ADGRA3: variants seen among roughly 807,000 people sequenced by gnomAD.
ADGRA3 encodes adhesion G protein-coupled receptor A3.
A neutral mutation model predicts 119.8 loss-of-function variants in ADGRA3; 56 were observed. The observed-to-expected ratio is 0.47, with a 90% CI of 0.38 to 0.58. The LOEUF (loss-of-function observed/expected upper bound fraction) is 0.58, where lower values mean the gene tolerates loss of function less well. ADGRA3 is among the 20% of genes least tolerant of loss of function. ADGRA3 has a pLI of 0.00. For missense variants in ADGRA3, 1,516 were observed against 1,649.0 expected (o/e 0.92, Z 1.40); for synonymous variants, 607 against 623.8 (o/e 0.97, Z 0.40).
intron 1 of ADGRA3, among the ~76,000 whole-genome samples, chr4:22,507,019 C>T (rs185062031): frequency 9.2e-5 from 14 of 151,904 alleles, no homozygotes; most frequent in African/African-American, 2.9e-4. Flanking sequence ...GGGCGGATCA[C>T]GAGGTCAGGA....
chr4:22,487,769 T>C (rs1223323818), intron 1 of ADGRA3, among the ~76,000 whole-genome samples: 1 of 152,210 alleles, frequency 6.6e-6, no homozygotes, highest in Non-Finnish European at 1.5e-5. Flanking sequence ...AAAACCATTC[T>C]AAATTGAAGA....
In ADGRA3 at chr4:22,420,908, G is replaced by A; in HGVS notation, c.1787C>T (p.Thr596Ile). 3 of 1,614,016 alleles carry A rather than the reference G, an allele frequency of 1.9e-6. No individual in the cohort carries two copies. Among genetic ancestry groups the A allele is most frequent in the Non-Finnish European group, 2.5e-6 (3 of 1,179,904 alleles). Residue 596 changes from threonine (T) to isoleucine (I), a missense_variant, in exon 12 of 19, where the codon ACA becomes ATA. Thr to Ile is a moderately conservative substitution (Grantham distance 89). This residue lies in a region of ADGRA3 where 1,088 missense variants were observed against 1,107.1 expected (regional missense o/e 0.98). Coordinates refer to ENST00000334304, the MANE Select transcript of ADGRA3 (RefSeq NM_145290.4). The stretch of plus-strand genomic sequence containing the variant: ...TACCTTTAGTGCCAGACTCGAAAAT[G>A]TATTTGAAACATTGCACTTAAAGCT... ...QLSFKCNVSN[T>I]FSSLALKNTI...
At chr4:22,489,909 C>G (rs1340795746) in intron 1 of ADGRA3, among the ~76,000 whole-genome samples, 5 of 152,182 alleles carry the variant, frequency 3.3e-5, no homozygotes, top group African/African-American at 1.2e-4. Context: ...ATCAAACACA[C>G]TGGAGGATAA....
intron 14 of ADGRA3, among the ~76,000 whole-genome samples, chr4:22,409,375 TAAGA>T (rs1458057913): frequency 1.3e-5 from 2 of 152,120 alleles, no homozygotes; most frequent in African/African-American, 4.8e-5. Flanking sequence ...TATTCAGAGA[TAAGA>T]AAGAATGAGG....
chr4:22,475,776 G>A (rs13129820), intron 1 of ADGRA3, among the ~76,000 whole-genome samples: 1 of 151,870 alleles, frequency 6.6e-6, no homozygotes. Flanking sequence ...ATTGGACTTC[G>A]AGGAAAGGGT....
intron 1 of ADGRA3, among the ~76,000 whole-genome samples, chr4:22,501,491 G>A (rs1398837149): frequency 6.6e-6 from 1 of 151,820 alleles, no homozygotes; most frequent in African/African-American, 2.4e-5. Context: ...AAATATCACA[G>A]AAATTAAAGA....
chr4:22,417,331 G>A (rs28490883), intron 12 of ADGRA3, among the ~76,000 whole-genome samples: 34,748 of 152,020 alleles, frequency 0.23, 5,281 homozygotes, highest in African/African-American at 0.43. Flanking sequence ...CAATAAATAA[G>A]CTGTGGTCCC....
chr4:22,508,452 G>T (rs918804080), intron 1 of ADGRA3, among the ~76,000 whole-genome samples: 1 of 152,128 alleles, frequency 6.6e-6, no homozygotes, highest in African/African-American at 2.4e-5. Context: ...TGAAACACTG[G>T]CCACTGTGTT....
At chr4:22,390,412 TTATATATATATAATACGTATTA>T in intron 17 of ADGRA3, among the ~76,000 whole-genome samples, 1 of 87,298 alleles carries the variant, frequency 1.1e-5, no homozygotes, top group African/African-American at 7.8e-5. Flanking sequence ...AAAATACGTA[TTATATATATATAATACGTATTA>T]TATATATATA....
intron 15 of ADGRA3, among the ~76,000 whole-genome samples, chr4:22,402,255 C>T (rs1040541218): frequency 3.9e-5 from 6 of 152,048 alleles, no homozygotes; most frequent in Admixed American, 2.6e-4. Context: ...TTAAAAATGT[C>T]ATCTATAAAA....
At position 22,439,467 on chromosome 4, in the gene ADGRA3, A is replaced by T. The variant is rs565168947; in HGVS notation, c.921-1047T>A. Among the ~76,000 whole-genome samples the T allele has an allele frequency of 1.2e-4, 18 of 152,338 alleles. No individual in the cohort carries two copies. The South Asian group carries it at 3.7e-3, about 32-fold the overall frequency. On this transcript the variant is annotated intron_variant, in intron 7 of 18. Coordinates refer to ENST00000334304, the MANE Select transcript of ADGRA3 (RefSeq NM_145290.4). ...TGCTGTTATGTAGACACAAATGATA[A>T]GAAATAATTAGACAGAAAGTATGTA... is the stretch of plus-strand genomic sequence containing the variant.
At chr4:22,496,612 G>A (rs1718834072) in intron 1 of ADGRA3, among the ~76,000 whole-genome samples, 2 of 152,158 alleles carry the variant, frequency 1.3e-5, no homozygotes, top group East Asian at 1.9e-4. Context: ...ACTCAAGGGT[G>A]AAATTGCTTA....
At chr4:22,431,032 C>G (rs1287114356) in intron 10 of ADGRA3, among the ~76,000 whole-genome samples, 1 of 152,228 alleles carries the variant, frequency 6.6e-6, no homozygotes, top group African/African-American at 2.4e-5. Context: ...TTGGAAACCT[C>G]TGCCTAGATT....
intron 16 of ADGRA3, chr4:22,395,004 C>G (rs1577320749): frequency 6.6e-6 from 1 of 152,290 alleles, no homozygotes; most frequent in South Asian, 2.1e-4. Flanking sequence ...CCATCTCACA[C>G]TTTGTCTACA....
rs552431021 is a variant in ADGRA3, at chr4:22,493,575, C to T, written c.258-19732G>A. Among the ~76,000 whole-genome samples the T allele has an allele frequency of 3.9e-5, 6 of 152,282 alleles. No homozygotes were observed. The East Asian group carries it at 1.2e-3, about 29-fold the overall frequency. Reference sequence around the variant, plus strand: ...TAGATCCAAAGCAGAGACTCCCAACCTTTTTGTGCATTGGGCTATGTTACC... The same window carrying T: ...TAGATCCAAAGCAGAGACTCCCAACTTTTTTGTGCATTGGGCTATGTTACC... On this transcript the variant is annotated intron_variant, in intron 1 of 18. Coordinates refer to ENST00000334304, the MANE Select transcript of ADGRA3 (RefSeq NM_145290.4).
intron 1 of ADGRA3, among the ~76,000 whole-genome samples, chr4:22,479,554 TA>T (rs1478356182): frequency 6.6e-6 from 1 of 151,638 alleles, no homozygotes; most frequent in Admixed American, 6.6e-5. Flanking sequence ...GAAGGGAGTG[TA>T]AATTACTTCA....
At chr4:22,490,293 T>C (rs376989884) in intron 1 of ADGRA3, among the ~76,000 whole-genome samples, 1 of 152,128 alleles carries the variant, frequency 6.6e-6, no homozygotes, top group East Asian at 1.9e-4. Context: ...TATGAACACA[T>C]TAGCTGCAAG....
intron 10 of ADGRA3, 134 bp from the exon 11 acceptor site, chr4:22,424,486 C>G (rs548935012): frequency 2.3e-6 from 2 of 884,452 alleles, no homozygotes; most frequent in Non-Finnish European, 3.5e-6. Flanking sequence ...AGGCACTTTA[C>G]TTGTTTCTCA....
At chr4:22,432,571 G>C (rs1716229979) in intron 10 of ADGRA3, among the ~76,000 whole-genome samples, 1 of 152,106 alleles carries the variant, frequency 6.6e-6, no homozygotes, top group African/African-American at 2.4e-5. Context: ...TAAAATAAGA[G>C]ACAATAAGGG....
Sources: allele counts gnomAD v4.1 joint callset (sites outside exome capture counted in the v4.1 genomes callset), GRCh38; gene constraint gnomAD v4.1.1; regional missense constraint gnomAD v4.1.1; transcripts MANE v1.5; gene names NCBI Gene and HGNC (gene_info 2026-07-23, HGNC 2026-07-21).